DDX59: variants seen among roughly 807,000 people sequenced by gnomAD.
The protein encoded by DDX59 is DEAD-box helicase 59, also known as probable ATP-dependent RNA helicase DDX59.
DDX59 carries 30 observed loss-of-function variants against 51.9 expected under a neutral mutation model. The ratio of observed to expected loss-of-function variants is 0.58; its 90% CI spans 0.43 to 0.78. The LOEUF (loss-of-function observed/expected upper bound fraction) is 0.78, where lower values mean the gene tolerates loss of function less well. Among genes scored for constraint, DDX59 ranks in the 30% least tolerant of loss-of-function variants. DDX59 has a pLI of 0.00. For synonymous variants in DDX59, 255 were observed against 253.3 expected (o/e 1.01, Z -0.06); for missense variants, 672 against 730.8 (o/e 0.92, Z 0.93).
Position 200,648,562 on chromosome 1 carries a change from T to C in DDX59, c.1473A>G (p.Leu491=). ...CTACAACTTCATAGTCTCCTTCAAG[T>C]AATCCCTTTCCAAAAAAGCAACAAA... is the stretch of plus-strand genomic sequence containing the variant. ...QIERKNILKG[L]LEGDYEVVVS... The change falls in exon 7 of 8, where the codon TTA becomes TTG. Residue 491 remains leucine (L), a synonymous_variant. Coordinates refer to ENST00000331314, the MANE Select transcript of DDX59 (RefSeq NM_001031725.6). The C allele has an allele frequency of 1.9e-6, 3 of 1,607,346 alleles. No individual in the cohort carries two copies. The highest frequency in any genetic ancestry group is 1.3e-5 in the African/African-American group (1 of 74,706).
At chr1:200,646,667 T>C (rs1049422640) in intron 7 of DDX59, among the ~76,000 whole-genome samples, 5 of 152,204 alleles carry the variant, frequency 3.3e-5, no homozygotes, top group Non-Finnish European at 7.3e-5. Context: ...TGTAAAATGG[T>C]GACGCCATGT....
At chr1:200,651,721 G>A (rs1471615330) in intron 4 of DDX59, among the ~76,000 whole-genome samples, 1 of 152,166 alleles carries the variant, frequency 6.6e-6, no homozygotes, top group Non-Finnish European at 1.5e-5. Context: ...TAAAGTTAGT[G>A]CTGCCAGCCG....
intron 1 of DDX59, 100 bp downstream of exon 1, chr1:200,669,667 C>G (rs1380950936): frequency 6.6e-6 from 1 of 152,292 alleles, no homozygotes; most frequent in East Asian, 1.9e-4. Flanking sequence ...GGAGGAAGGC[C>G]GCGCAGGGGC....
Position 200,664,005 on chromosome 1 carries a change from T to C in DDX59, c.886A>G (p.Ser296Gly). 6.2e-7 allele frequency: 1 copy of C among 1,614,238 alleles called. No homozygotes were observed. Among genetic ancestry groups the C allele is most frequent in the African/African-American group, 1.3e-5 (1 of 75,072 alleles). Residue 296 changes from serine (S) to glycine (G), a missense_variant, in exon 3 of 8, where the codon AGT becomes GGT. Ser to Gly is a moderately conservative substitution (Grantham distance 56, BLOSUM62 0). Transcript: ENST00000331314. ...ACAGTTTTCATGCGTGGCAGGCCACTCATCAATTCTTTAGCTTGTCTCTCT... is the reference window on the plus strand; with the variant it reads ...ACAGTTTTCATGCGTGGCAGGCCACCCATCAATTCTTTAGCTTGTCTCTCT... Reference protein sequence around the residue: ...QIERQAKELMSGLPRMKTVLL... With the variant: ...QIERQAKELMGGLPRMKTVLL...
At chr1:200,648,281 G>A (rs1304497973) in intron 7 of DDX59, among the ~76,000 whole-genome samples, 158 bp downstream of exon 7, 1 of 152,074 alleles carries the variant, frequency 6.6e-6, no homozygotes, top group Non-Finnish European at 1.5e-5. Flanking sequence ...CATCCATTTC[G>A]AGTGATCTGC....
intron 4 of DDX59, among the ~76,000 whole-genome samples, chr1:200,658,083 G>A (rs1328914839): frequency 6.6e-6 from 1 of 152,186 alleles, no homozygotes; most frequent in African/African-American, 2.4e-5. Flanking sequence ...TGGGGCCCAT[G>A]GAAGGCAGGC....
rs1661940163 is a variant in DDX59 at position 200,655,205 on chromosome 1, TG to T, written c.1062+3821del. On this transcript the variant is annotated intron_variant, in intron 4 of 7. Transcript: ENST00000331314. ...CTACCAAGACCCAGATTTGCTCATT[TG>T]TCCTTTTTAAAATTAAAGGCACAAC... 2.0e-5 allele frequency: 3 copies of T among 152,328 alleles called. No homozygotes were observed. In the South Asian group the frequency reaches 6.2e-4, roughly 32 times the overall value. 9.4% of individuals were successfully genotyped at this position (152,328 alleles called of 1,614,324 possible).
intron 5 of DDX59, 61 bp from the exon 6 acceptor site, chr1:200,649,287 T>TTTTCTTCTGAAAGA: frequency 7.0e-7 from 1 of 1,421,798 alleles, no homozygotes; most frequent in Non-Finnish European, 9.5e-7. Flanking sequence ...AATGGGAAGT[T>TTTTCTTCTGAAAGA]TTTCTGAAAG....
chr1:200,658,566 T>A (rs1178860943), intron 4 of DDX59, among the ~76,000 whole-genome samples: 2 of 151,918 alleles, frequency 1.3e-5, no homozygotes, highest in African/African-American at 4.8e-5. Context: ...TGGTGATGTG[T>A]GTGCCTGTAG....
At chr1:200,668,849 A>AT (rs1227335200) in intron 1 of DDX59, among the ~76,000 whole-genome samples, 2 of 152,220 alleles carry the variant, frequency 1.3e-5, no homozygotes, top group African/African-American at 2.4e-5. Flanking sequence ...TAGCCTGAAC[A>AT]TTCCTTTTTA....
At chr1:200,656,072 C>T (rs558292077) in intron 4 of DDX59, among the ~76,000 whole-genome samples, 2 of 152,248 alleles carry the variant, frequency 1.3e-5, no homozygotes, top group African/African-American at 2.4e-5. Context: ...TCAGGTGATC[C>T]GCCCACCTCG....
At chr1:200,661,659 A>C (rs80130542) in intron 3 of DDX59, among the ~76,000 whole-genome samples, 5,503 of 152,348 alleles carry the variant, frequency 0.036, 107 homozygotes, top group Middle Eastern at 0.048. Context: ...TGACAAAGAC[A>C]CAACAACTAA....
chr1:200,660,578 CAAAT>C, intron 3 of DDX59, among the ~76,000 whole-genome samples: 1 of 151,744 alleles, frequency 6.6e-6, no homozygotes, highest in South Asian at 2.1e-4. Context: ...GAGGATTGGT[CAAAT>C]AAATAAACAA....
intron 3 of DDX59, among the ~76,000 whole-genome samples, chr1:200,659,940 TC>T (rs1662273373): frequency 6.6e-6 from 1 of 152,190 alleles, no homozygotes; most frequent in African/African-American, 2.4e-5. Context: ...CGCCTTGGCC[TC>T]CCAAAGTGCT....
At chr1:200,655,781 T>C (rs1259180246) in intron 4 of DDX59, among the ~76,000 whole-genome samples, 1 of 152,178 alleles carries the variant, frequency 6.6e-6, no homozygotes, top group Non-Finnish European at 1.5e-5. Flanking sequence ...TACTCTCTCA[T>C]TTCTCCTTCT....
chr1:200,660,260 T>C (rs900742256), intron 3 of DDX59, among the ~76,000 whole-genome samples: 2 of 152,240 alleles, frequency 1.3e-5, no homozygotes, highest in Non-Finnish European at 2.9e-5. Context: ...TTCTCTTACA[T>C]GGTGTACTGG....
intron 4 of DDX59, among the ~76,000 whole-genome samples, chr1:200,656,201 A>T (rs1157513573): frequency 6.6e-6 from 1 of 152,032 alleles, no homozygotes; most frequent in Non-Finnish European, 1.5e-5. Context: ...ACAAATTTAG[A>T]CCTTTACCTG....
intron 1 of DDX59, chr1:200,669,373 G>C (rs1048638498): frequency 1.1e-4 from 17 of 151,702 alleles, no homozygotes; most frequent in African/African-American, 3.9e-4. Flanking sequence ...GGGCAGGGAC[G>C]GCTCTAGGTG....
intron 4 of DDX59, among the ~76,000 whole-genome samples, chr1:200,657,748 C>CAA (rs1267173346): frequency 1.1e-4 from 9 of 80,556 alleles, no homozygotes; most frequent in East Asian, 7.6e-4. Flanking sequence ...GACTCTGTCT[C>CAA]AAAAAAAAAA....
Sources: gnomAD v4.1 joint callset for allele counts (sites outside exome capture counted in the v4.1 genomes callset) on GRCh38, gnomAD v4.1.1 for gene constraint, MANE v1.5 for transcripts, NCBI Gene and HGNC (gene_info 2026-07-23, HGNC 2026-07-21) for gene names.